Variants in CLYBL observed in about 807,000 individuals in gnomAD.
The protein encoded by CLYBL is citramalyl-CoA lyase.
In CLYBL, 31 loss-of-function variants were observed where a neutral mutation model predicts 38.9. That is an observed-to-expected ratio of 0.80 (90% CI 0.60 to 1.08). The LOEUF is 1.08. Ranked by LOEUF, CLYBL falls within the 50% of genes least tolerant of loss-of-function variation. The probability of loss-of-function intolerance (pLI) is 0.00; values close to 1 mark genes in which losing one functional copy is unlikely to be tolerated. For synonymous variants in CLYBL, 171 were observed against 158.6 expected (o/e 1.08, Z -0.59); for missense variants, 434 against 411.6 (o/e 1.05, Z -0.47).
chr13:99,898,828 A>T (rs1566372510), downstream of CLYBL, among the ~76,000 whole-genome samples: 1 of 152,144 alleles, frequency 6.6e-6, no homozygotes, highest in Non-Finnish European at 1.5e-5. Context: ...CACGGATTGG[A>T]CTTTCATTAT....
At chr13:99,687,208 C>T (rs565932539) in intron 1 of CLYBL, among the ~76,000 whole-genome samples, 1 of 152,314 alleles carries the variant, frequency 6.6e-6, no homozygotes, top group South Asian at 2.1e-4. Context: ...TCAGAAATTG[C>T]AAGATGAGGC....
At chr13:99,630,918 A>G (rs1448590457) in intron 1 of CLYBL, among the ~76,000 whole-genome samples, 1 of 152,264 alleles carries the variant, frequency 6.6e-6, no homozygotes, top group East Asian at 1.9e-4. Context: ...GGGATGGAGC[A>G]GGAGCCAGAC....
At chr13:99,785,602 A>ATT (rs34774913) in intron 2 of CLYBL, among the ~76,000 whole-genome samples, 57 of 143,582 alleles carry the variant, frequency 4.0e-4, no homozygotes, top group Admixed American at 9.8e-4. Flanking sequence ...TAAATAATAC[A>ATT]TTTTTTTTTT....
chr13:99,789,899 A>T (rs1268237010), intron 2 of CLYBL, among the ~76,000 whole-genome samples: 3 of 152,188 alleles, frequency 2.0e-5, no homozygotes, highest in Non-Finnish European at 4.4e-5. Flanking sequence ...GGGTGCATAT[A>T]TATTTAAGAT....
chr13:99,856,608 CA>C (rs993116163), intron 2 of CLYBL, among the ~76,000 whole-genome samples: 4 of 152,070 alleles, frequency 2.6e-5, no homozygotes, highest in Non-Finnish European at 5.9e-5. Context: ...ATGTGCCTTC[CA>C]AAAAGCTGAA....
chr13:99,759,228 T>G (rs891162999), intron 1 of CLYBL, among the ~76,000 whole-genome samples: 2 of 152,124 alleles, frequency 1.3e-5, no homozygotes, highest in African/African-American at 4.8e-5. Flanking sequence ...GCAATAAAGA[T>G]AAATAAGAAG....
chr13:99,649,315 A>G (rs2047218662), intron 1 of CLYBL, among the ~76,000 whole-genome samples: 1 of 152,180 alleles, frequency 6.6e-6, no homozygotes, highest in East Asian at 1.9e-4. Flanking sequence ...GCATAAGACA[A>G]TGATGTGGGG....
intron 7 of CLYBL, among the ~76,000 whole-genome samples, chr13:99,880,272 C>T (rs2139296941): frequency 6.6e-6 from 1 of 151,920 alleles, no homozygotes; most frequent in Non-Finnish European, 1.5e-5. Context: ...ACCATGTTGG[C>T]CAGGCTGGTC....
At chr13:99,754,685 AGT>A (rs2049025024) in intron 1 of CLYBL, among the ~76,000 whole-genome samples, 2 of 150,306 alleles carry the variant, frequency 1.3e-5, no homozygotes, top group Admixed American at 1.3e-4. Flanking sequence ...CCTGGGTTCA[AGT>A]GATTCTCCTG....
intron 2 of CLYBL, among the ~76,000 whole-genome samples, chr13:99,828,896 T>TTAA (rs1487116137): frequency 6.6e-6 from 1 of 152,122 alleles, no homozygotes; most frequent in South Asian, 2.1e-4. Flanking sequence ...GTACATATGC[T>TTAA]GAATTAGAGA....
intron 1 of CLYBL, among the ~76,000 whole-genome samples, chr13:99,681,191 C>T (rs987766717): frequency 2.6e-5 from 4 of 152,048 alleles, no homozygotes; most frequent in Admixed American, 1.3e-4. Context: ...AGATAAAGTA[C>T]GTTATTGGGA....
Position 99,831,503 on chromosome 13 carries a change from A to G in CLYBL, c.250-27358A>G, listed in dbSNP as rs76389937. Among the ~76,000 whole-genome samples the G allele has an allele frequency of 5.1e-3, 777 of 152,272 alleles. 8 individuals are homozygous for G. The highest frequency in any genetic ancestry group is 0.018 in the African/African-American group (744 of 41,556). ...TAGGTGCGGCAAACCACCTTGGCAC[A>G]TGTTTACCTATGCAACAAACCTGCA... On this transcript the variant is annotated intron_variant, in intron 2 of 8. Transcript: ENST00000339105.
At chr13:99,678,218 G>A (rs1330955143) in intron 1 of CLYBL, among the ~76,000 whole-genome samples, 1 of 152,176 alleles carries the variant, frequency 6.6e-6, no homozygotes, top group Non-Finnish European at 1.5e-5. Flanking sequence ...TGTTTCAGAA[G>A]GTCTGCTCTA....
chr13:99,781,005 C>T (rs1232722178), intron 2 of CLYBL, among the ~76,000 whole-genome samples: 1 of 152,064 alleles, frequency 6.6e-6, no homozygotes, highest in Non-Finnish European at 1.5e-5. Flanking sequence ...TGAGCCACTG[C>T]ACCCGGCTAA....
intron 2 of CLYBL, among the ~76,000 whole-genome samples, chr13:99,801,672 C>T (rs1465981125): frequency 6.6e-6 from 1 of 152,110 alleles, no homozygotes; most frequent in Non-Finnish European, 1.5e-5. Flanking sequence ...TCACTTTCTG[C>T]GTATGCTAAG....
At chr13:99,775,294 C>T (rs932611636) in intron 2 of CLYBL, among the ~76,000 whole-genome samples, 9 of 152,072 alleles carry the variant, frequency 5.9e-5, no homozygotes, top group Admixed American at 1.3e-4. Context: ...ATCTGGGTTC[C>T]GAAGCCATCC....
At chr13:99,667,698 T>A (rs921522532) in intron 1 of CLYBL, among the ~76,000 whole-genome samples, 2 of 152,096 alleles carry the variant, frequency 1.3e-5, no homozygotes, top group African/African-American at 4.8e-5. Context: ...AAAAAACAAA[T>A]CTCCTACTTT....
At chr13:99,675,204 A>G (rs1168322675) in intron 1 of CLYBL, among the ~76,000 whole-genome samples, 2 of 152,100 alleles carry the variant, frequency 1.3e-5, no homozygotes, top group Non-Finnish European at 2.9e-5. Context: ...TATTTGGAGC[A>G]CTCATCAGGC....
downstream of CLYBL, chr13:99,894,539 G>A (rs1330501920): frequency 6.6e-6 from 1 of 152,192 alleles, no homozygotes; most frequent in African/African-American, 2.4e-5. Context: ...ACAAGACTGA[G>A]TTGGGAACAT....
Sources: allele counts gnomAD v4.1 joint callset (sites outside exome capture counted in the v4.1 genomes callset), GRCh38; gene constraint gnomAD v4.1.1; transcripts MANE v1.5; gene names NCBI Gene and HGNC (gene_info 2026-07-23, HGNC 2026-07-21).